Variants in C3orf22 observed in about 807,000 individuals in gnomAD.
C3orf22 encodes uncharacterized protein C3orf22.
A neutral mutation model predicts 10.8 loss-of-function variants in C3orf22; 7 were observed. The ratio of observed to expected loss-of-function variants is 0.65; its 90% CI spans 0.37 to 1.22. The LOEUF (loss-of-function observed/expected upper bound fraction) is 1.22, where lower values mean the gene tolerates loss of function less well. Among genes scored for constraint, C3orf22 ranks in the 50% most tolerant of loss-of-function variants. The probability of loss-of-function intolerance (pLI) is 0.02; values close to 1 mark genes in which losing one functional copy is unlikely to be tolerated. For synonymous variants in C3orf22, 79 were observed against 78.9 expected, an observed-to-expected ratio of 1.00 and a Z score of 0.00; for missense variants, 173 against 177.0, an observed-to-expected ratio of 0.98 and a Z score of 0.13.
intron 4 of C3orf22, among the ~76,000 whole-genome samples, chr3:126,535,864 G>T (rs1936778868): frequency 6.6e-6 from 1 of 152,258 alleles, no homozygotes; most frequent in Non-Finnish European, 1.5e-5. Flanking sequence ...CCCATACACA[G>T]GATCTGAGGG....
chr3:126,554,698 A>G (rs1937286288), intron 1 of C3orf22, among the ~76,000 whole-genome samples: 1 of 152,136 alleles, frequency 6.6e-6, no homozygotes, highest in South Asian at 2.1e-4. Flanking sequence ...GTGTGTTTTC[A>G]TGGTAGCCAC....
At chr3:126,535,607 C>T (rs1057481578) in intron 4 of C3orf22, among the ~76,000 whole-genome samples, 42 of 151,902 alleles carry the variant, frequency 2.8e-4, no homozygotes, top group African/African-American at 9.9e-4. Context: ...GACAGCCGGA[C>T]AGCATCACTT....
intron 1 of C3orf22, among the ~76,000 whole-genome samples, chr3:126,555,640 C>G (rs1937310478): frequency 6.6e-6 from 1 of 152,164 alleles, no homozygotes. Context: ...GGAACAGTTT[C>G]ATCCCCAAAC....
At chr3:126,547,173 T>C (rs890823597), downstream of C3orf22, among the ~76,000 whole-genome samples, 5 of 152,182 alleles carry the variant, frequency 3.3e-5, no homozygotes, top group African/African-American at 9.7e-5. Context: ...TAAGGGCACA[T>C]GGGGACCCAG....
At chr3:126,549,479 G>A, downstream of C3orf22, 1 of 495,032 alleles carries the variant, frequency 2.0e-6, no homozygotes, top group Non-Finnish European at 3.8e-6. Flanking sequence ...AAACAGTTTA[G>A]CTGCTTTCCA....
intron 4 of C3orf22, among the ~76,000 whole-genome samples, chr3:126,533,804 T>G (rs11920318): frequency 0.032 from 4,885 of 152,282 alleles, 254 homozygotes; most frequent in African/African-American, 0.11. Flanking sequence ...TGGTGTTAAT[T>G]CTTTAAACAT....
chr3:126,542,203 G>A (rs1208226102), intron 4 of C3orf22: 5 of 1,449,294 alleles, frequency 3.4e-6, no homozygotes, highest in Non-Finnish European at 4.5e-6. Context: ...CCGACGCCCG[G>A]GCCCGCGGCC....
chr3:126,549,381 C>A (rs772994851), downstream of C3orf22, among the ~76,000 whole-genome samples: 2 of 152,290 alleles, frequency 1.3e-5, no homozygotes, highest in Non-Finnish European at 2.9e-5. Context: ...TCAGATCAGT[C>A]TATAAAGAGC....
chr3:126,542,242 C>T (rs777844654), intron 4 of C3orf22: 26 of 1,531,238 alleles, frequency 1.7e-5, no homozygotes, highest in Non-Finnish European at 2.1e-5. Context: ...AGTTCCTGGC[C>T]TACCTGCTGG....
At chr3:126,536,075 T>C (rs1486254506) in intron 4 of C3orf22, among the ~76,000 whole-genome samples, 3 of 152,090 alleles carry the variant, frequency 2.0e-5, no homozygotes, top group Non-Finnish European at 4.4e-5. Flanking sequence ...CACAAGATAC[T>C]ACCCTGATGT....
rs565751831 is a variant in C3orf22, at chr3:126,552,606, C to T, written c.90-484G>A. Among the ~76,000 whole-genome samples the T allele has an allele frequency of 3.1e-3, 479 of 152,328 alleles. 4 individuals are homozygous for T. The highest frequency in any genetic ancestry group is 0.01 in the African/African-American group (425 of 41,576). On this transcript the variant is annotated intron_variant, in intron 2 of 3. Coordinates refer to ENST00000318225, the MANE Select transcript of C3orf22 (RefSeq NM_152533.3). ...GGACACAGCATGGAGCTCATCGTCC[C>T]CACCTCCCTCGAGCGTGGCTGCCCT...
At chr3:126,549,077 C>G (rs1324765704), downstream of C3orf22, among the ~76,000 whole-genome samples, 1 of 152,182 alleles carries the variant, frequency 6.6e-6, no homozygotes, top group Non-Finnish European at 1.5e-5. Context: ...AAAGGCATCA[C>G]CAGCCTCCAG....
intron 4 of C3orf22, among the ~76,000 whole-genome samples, chr3:126,534,538 AAAAC>A (rs1936723530): frequency 6.9e-6 from 1 of 145,108 alleles, no homozygotes. Context: ...AGCCAGGAGA[AAAAC>A]AGACAGCATC....
At position 126,536,245 on chromosome 3, in the gene C3orf22, C is replaced by T. The variant is rs374394795; in HGVS notation, c.287-6873G>A. 1,766 of 1,604,712 alleles carry T rather than the reference C, an allele frequency of 1.1e-3. 1 individual carries two copies. The highest frequency in any genetic ancestry group is 1.4e-3 in the Non-Finnish European group (1,598 of 1,172,092). Reference sequence around the variant, plus strand: ...CATGCAAGTCCCTCTGATATGGTGGCGACATCTCTCTCCTTATGCCCACAG... The same window carrying T: ...CATGCAAGTCCCTCTGATATGGTGGTGACATCTCTCTCCTTATGCCCACAG... On this transcript the variant is annotated intron_variant and NMD_transcript_variant, in intron 4 of 5. Transcript: ENST00000505070.
Position 126,556,831 on chromosome 3 carries a change from ACT to A in C3orf22, c.-41+1794_-41+1795del, listed in dbSNP as rs1221019388. Among the ~76,000 whole-genome samples, 55 of 28,516 alleles carry A rather than the reference ACT, an allele frequency of 1.9e-3. No individual in the cohort carries two copies. The East Asian group carries it at 0.11, about 59-fold the overall frequency. 18.7% of individuals were successfully genotyped at this position (28,516 alleles called of 152,430 possible). ...CCCACACACACAGACTCACATACAC[ACT>A]CACACACAGACACCCCCCACACACA... On this transcript the variant is annotated intron_variant, in intron 1 of 3. Transcript: ENST00000318225.
intron 4 of C3orf22, chr3:126,536,383 G>A (rs1560140506): frequency 6.4e-7 from 1 of 1,561,358 alleles, no homozygotes; most frequent in Admixed American, 1.7e-5. Context: ...ACCCAGGCAT[G>A]CCCCCCTCCA....
intron 4 of C3orf22, among the ~76,000 whole-genome samples, chr3:126,539,842 A>G: frequency 1.2e-5 from 1 of 82,530 alleles, no homozygotes; most frequent in Non-Finnish European, 2.3e-5. Context: ...CACACACCAC[A>G]CACATCACAC....
At chr3:126,550,177 C>CT in intron 3 of C3orf22, 99 bp from the exon 4 acceptor site, 1 of 1,347,346 alleles carries the variant, frequency 7.4e-7, no homozygotes, top group Admixed American at 2.3e-5. Flanking sequence ...TCTGGGAGGG[C>CT]TCCAACTGAG....
intron 3 of C3orf22, 88 bp from the exon 4 acceptor site, chr3:126,550,166 A>G: frequency 2.8e-6 from 4 of 1,435,938 alleles, no homozygotes; most frequent in Non-Finnish European, 3.8e-6. Context: ...CCAGGGCCAC[A>G]TCTGGGAGGG....
Sources: allele counts gnomAD v4.1 joint callset (sites outside exome capture counted in the v4.1 genomes callset), GRCh38; gene constraint gnomAD v4.1.1; transcripts MANE v1.5; gene names NCBI Gene and HGNC (gene_info 2026-07-23, HGNC 2026-07-21).